The following TMPRSS15 variants were observed in gnomAD, a reference collection of about 807,000 sequenced individuals.
TMPRSS15 encodes transmembrane serine protease 15, also known as enteropeptidase.
TMPRSS15 carries 128 observed loss-of-function variants against 125.3 expected under a neutral mutation model. The ratio of observed to expected loss-of-function variants is 1.02; its 90% confidence interval spans 0.89 to 1.18. The LOEUF (loss-of-function observed/expected upper bound fraction) is 1.18. Ranked by LOEUF, TMPRSS15 falls within the 50% of genes most tolerant of loss-of-function variation. The probability of loss-of-function intolerance (pLI) is 0.00; values close to 1 mark genes in which losing one functional copy is unlikely to be tolerated. For synonymous variants in TMPRSS15, 446 were observed against 423.2 expected, an observed-to-expected ratio of 1.05 and a Z score of -0.66; for missense variants, 1,283 against 1,212.7, an observed-to-expected ratio of 1.06 and a Z score of -0.86.
intron 6 of TMPRSS15, among the ~76,000 whole-genome samples, chr21:18,365,967 A>T (rs557860616): frequency 1.3e-5 from 2 of 151,564 alleles, no homozygotes; most frequent in East Asian, 3.9e-4. Context: ...TCTCCTGACC[A>T]TAGGTGATCT....
intron 18 of TMPRSS15, among the ~76,000 whole-genome samples, chr21:18,308,750 C>G (rs1410448265): frequency 6.6e-6 from 1 of 152,106 alleles, no homozygotes; most frequent in Non-Finnish European, 1.5e-5. Context: ...TAGTCCCCCA[C>G]CCACTGACAG....
At chr21:18,340,491 C>T (rs945477236) in intron 13 of TMPRSS15, among the ~76,000 whole-genome samples, 11 of 152,236 alleles carry the variant, frequency 7.2e-5, no homozygotes, top group African/African-American at 2.4e-4. Flanking sequence ...TATGAAATTT[C>T]ACCTTGTGAT....
intron 16 of TMPRSS15, among the ~76,000 whole-genome samples, chr21:18,324,616 A>T (rs1290541883): frequency 1.3e-5 from 2 of 152,320 alleles, no homozygotes; most frequent in African/African-American, 2.4e-5. Flanking sequence ...ATAATAATTT[A>T]AAAAATTAGG....
intron 1 of TMPRSS15, among the ~76,000 whole-genome samples, chr21:18,431,304 T>C (rs1406176068): frequency 6.6e-6 from 1 of 152,164 alleles, no homozygotes. Flanking sequence ...CCAGCCAGGT[T>C]TTTCCTTTGT....
upstream of TMPRSS15, among the ~76,000 whole-genome samples, chr21:18,407,824 TGAAGTG>T (rs1342514872): frequency 6.6e-5 from 10 of 152,144 alleles, no homozygotes; most frequent in Admixed American, 2.0e-4. Context: ...ACGCTTTATG[TGAAGTG>T]GAAACAAATG....
chr21:18,445,912 C>T (rs937337568), intron 1 of TMPRSS15, among the ~76,000 whole-genome samples: 5 of 152,154 alleles, frequency 3.3e-5, no homozygotes, highest in African/African-American at 1.2e-4. Context: ...CAAGGATGCC[C>T]ACTTTCTCCA....
chr21:18,269,968 G>A lies in TMPRSS15; in HGVS notation c.*1C>T, dbSNP rs7276699. ...CTTTCCTGTTTAGTTTAAGAAATGC[G>A]CTAATGTAGAAAACTTTGTATCCAT... On this transcript the variant is annotated 3_prime_UTR_variant, in exon 25 of 25. Transcript: ENST00000284885. 175 of 1,613,322 alleles carry A rather than the reference G, an allele frequency of 1.1e-4. 1 individual carries two copies. The South Asian group carries it at 1.7e-3, about 16-fold the overall frequency.
chr21:18,294,624 G>T lies in TMPRSS15; in HGVS notation c.2290C>A (p.Arg764=). The T allele has an allele frequency of 6.2e-7, 1 of 1,610,138 alleles. No individual in the cohort carries two copies. The change falls in exon 20 of 25, where the codon CGG becomes AGG. Residue 764 remains arginine (R), a synonymous_variant. Transcript: ENST00000284885. ...SQQCLQDSLI[R]LQCNHKSCGK... ...TTACATTTATGGTTACACTGTAACC[G>T]AATCAAGGAATCCTGTAAACACTGT...
At chr21:18,371,098 A>G (rs2147044503) in intron 6 of TMPRSS15, among the ~76,000 whole-genome samples, 1 of 152,252 alleles carries the variant, frequency 6.6e-6, no homozygotes, top group South Asian at 2.1e-4. Flanking sequence ...GATATTTTCT[A>G]AGACCTCCAG....
intron 6 of TMPRSS15, among the ~76,000 whole-genome samples, chr21:18,369,081 T>C (rs1414815158): frequency 6.6e-6 from 1 of 151,982 alleles, no homozygotes. Flanking sequence ...TGCTTTCTAG[T>C]GCAGCATCAG....
In TMPRSS15 at chr21:18,294,389, ACTTCCTCCAACAAT is replaced by A; in HGVS notation, c.2353_2366del (p.Ile785Ter). 6.2e-7 allele frequency: 1 copy of A among 1,614,246 alleles called. No homozygotes were observed. Among genetic ancestry groups the A allele is most frequent in the Non-Finnish European group, 8.5e-7 (1 of 1,180,034 alleles). On this transcript the variant is annotated frameshift_variant, in exon 21 of 25. Transcript: ENST00000284885. LOFTEE classifies it high-confidence loss of function. ...AGGGCCAGGCCCCTTCTTTGGCATTACTTCCTCCAACAATCTTTGGGGTGATGTCTTGAGCTGCC... is the reference window on the plus strand; with the variant it reads ...AGGGCCAGGCCCCTTCTTTGGCATTACTTTGGGGTGATGTCTTGAGCTGCC...
chr21:18,474,016 C>T (rs1268899560), intron 1 of TMPRSS15, among the ~76,000 whole-genome samples: 3 of 152,082 alleles, frequency 2.0e-5, no homozygotes, highest in Admixed American at 2.0e-4. Flanking sequence ...TGGTATTAAA[C>T]AAAGACTAGA....
chr21:18,327,538 G>C (rs1375862377), intron 15 of TMPRSS15, among the ~76,000 whole-genome samples: 1 of 152,002 alleles, frequency 6.6e-6, no homozygotes, highest in South Asian at 2.1e-4. Flanking sequence ...TCTACATAAG[G>C]GTTGACTGAT....
intron 8 of TMPRSS15, 72 bp from the exon 9 acceptor site, chr21:18,353,935 ATCT>A (rs1047768435): frequency 1.4e-6 from 2 of 1,434,656 alleles, no homozygotes; most frequent in African/African-American, 2.8e-5. Flanking sequence ...CCATCAGTCC[ATCT>A]ACTGAACTAT....
intron 1 of TMPRSS15, among the ~76,000 whole-genome samples, chr21:18,455,563 G>A (rs1230780219): frequency 2.0e-5 from 3 of 152,118 alleles, no homozygotes; most frequent in Non-Finnish European, 4.4e-5. Context: ...TCTAGATGTG[G>A]GAATTATATA....
chr21:18,333,133 T>C (rs9983637), intron 13 of TMPRSS15, among the ~76,000 whole-genome samples: 94,114 of 151,916 alleles, frequency 0.62, 29,242 homozygotes, highest in Middle Eastern at 0.67. Context: ...TCAGGAAAAA[T>C]CACTTGTGAG....
chr21:18,457,716 A>G (rs886789117), intron 1 of TMPRSS15, among the ~76,000 whole-genome samples: 1 of 152,172 alleles, frequency 6.6e-6, no homozygotes, highest in Non-Finnish European at 1.5e-5. Flanking sequence ...GATTTCAGCA[A>G]GAAGGCAACA....
rs141703208 is a variant in TMPRSS15 at position 18,383,899 on chromosome 21, C to A, written c.345-121G>T. ...TATCATCTTGCTAATTCTCATTATACCTGTGTAAGGTAGTCACTTCAAATC... is the reference window on the plus strand; with the variant it reads ...TATCATCTTGCTAATTCTCATTATAACTGTGTAAGGTAGTCACTTCAAATC... On this transcript the variant is annotated intron_variant, in intron 3 of 24. Coordinates refer to ENST00000284885, the MANE Select transcript of TMPRSS15 (RefSeq NM_002772.3). 6.8e-3 allele frequency: 8,195 copies of A among 1,196,776 alleles called. 43 individuals carry two copies. Among genetic ancestry groups the A allele is most frequent in the Admixed American group, 0.01 (513 of 50,352 alleles). The allele number at this position is 1,196,776 out of a possible 1,614,324, so 74.1% of individuals were successfully genotyped here.
chr21:18,345,638 C>G (rs1360639795), intron 10 of TMPRSS15, among the ~76,000 whole-genome samples: 15 of 141,284 alleles, frequency 1.1e-4, no homozygotes, highest in East Asian at 8.7e-4. Context: ...CTACTCGGGA[C>G]ACTGAGGCAG....
Sources: gnomAD v4.1 joint callset for allele counts (sites outside exome capture counted in the v4.1 genomes callset) on GRCh38, gnomAD v4.1.1 for gene constraint, MANE v1.5 for transcripts, NCBI Gene and HGNC (gene_info 2026-07-23, HGNC 2026-07-21) for gene names.